Variants in AKR1A1 observed in about 807,000 individuals in gnomAD.
AKR1A1 encodes HEL-S-165mP.
AKR1A1 carries 26 observed loss-of-function variants against 39.2 expected under a neutral mutation model. The ratio of observed to expected loss-of-function variants is 0.66; its 90% CI spans 0.49 to 0.92. The LOEUF (loss-of-function observed/expected upper bound fraction) is 0.92, where lower values mean the gene tolerates loss of function less well. Ranked by LOEUF, AKR1A1 falls within the 40% of genes least tolerant of loss-of-function variation. The pLI, the probability that AKR1A1 is intolerant of heterozygous loss-of-function variation, is 0.00. For synonymous variants in AKR1A1, 141 were observed against 155.5 expected, an observed-to-expected ratio of 0.91 and a Z score of 0.69; for missense variants, 378 against 406.5, an observed-to-expected ratio of 0.93 and a Z score of 0.60.
intron 1 of AKR1A1, among the ~76,000 whole-genome samples, chr1:45,561,454 A>T (rs1009952002): frequency 2.0e-5 from 3 of 152,078 alleles, no homozygotes; most frequent in Non-Finnish European, 4.4e-5. Context: ...CCCAGGCTGG[A>T]GTGCAGTGGC....
chr1:45,560,080 C>T (rs1162321609), intron 1 of AKR1A1, among the ~76,000 whole-genome samples: 1 of 152,000 alleles, frequency 6.6e-6, no homozygotes, highest in East Asian at 1.9e-4. Context: ...CTCCGCCTCC[C>T]GGGTTCAAAC....
intron 4 of AKR1A1, 108 bp from the exon 5 acceptor site, chr1:45,567,874 C>A: frequency 9.1e-7 from 1 of 1,104,246 alleles, no homozygotes; most frequent in Non-Finnish European, 1.3e-6. Context: ...ATTCTTGGCC[C>A]TTTGTCCTCT....
chr1:45,565,471 AT>A (rs1019047883), intron 2 of AKR1A1, among the ~76,000 whole-genome samples: 18 of 146,022 alleles, frequency 1.2e-4, no homozygotes, highest in Admixed American at 3.5e-4. Flanking sequence ...TTTTGTTGTT[AT>A]TTTTTTTGTG....
chr1:45,554,830 A>G (rs535205943), intron 1 of AKR1A1, among the ~76,000 whole-genome samples: 87 of 152,228 alleles, frequency 5.7e-4, no homozygotes, highest in Middle Eastern at 6.8e-3. Flanking sequence ...AGCTAGGACC[A>G]TAGAGACACA....
At position 45,563,216 on chromosome 1, in the gene AKR1A1, G is replaced by A. The variant is rs909449911; in HGVS notation, c.84+1338G>A. 1.7e-4 allele frequency among the ~76,000 whole-genome samples: 25 copies of A among 151,140 alleles called. No individual in the cohort carries two copies. In the East Asian group the frequency reaches 3.0e-3, roughly 18 times the overall value. Reference sequence around the variant, plus strand: ...GGAGTTCGAGACCAGCTTGGCCAACGTGGTGAAACCCCGTCTCTACTAAAA... The same window carrying A: ...GGAGTTCGAGACCAGCTTGGCCAACATGGTGAAACCCCGTCTCTACTAAAA... On this transcript the variant is annotated intron_variant, in intron 2 of 8. Coordinates refer to ENST00000351829, the MANE Select transcript of AKR1A1 (RefSeq NM_153326.3).
chr1:45,568,992 A>G lies in AKR1A1; in HGVS notation c.818A>G (p.Asn273Ser). 6.2e-7 allele frequency: 1 copy of G among 1,614,014 alleles called. No individual in the cohort carries two copies. The highest frequency in any genetic ancestry group is 2.2e-5 in the East Asian group (1 of 44,904). The stretch of plus-strand genomic sequence containing the variant: ...ATCACTCCTTCTCGAATCCTTCAGA[A>G]CATCAAGGTACTTGGTAATGGGTTC... ...KSITPSRILQ[N>S]IKVFDFTFSP... The change falls in exon 7 of 9, where the codon AAC (asparagine) becomes AGC (serine). Residue 273 changes from asparagine to serine, a missense_variant. By Grantham distance (46) the Asn-to-Ser change is conservative (BLOSUM62 1). Coordinates refer to ENST00000351829, the MANE Select transcript of AKR1A1 (RefSeq NM_153326.3).
At position 45,568,691 on chromosome 1, in the gene AKR1A1, G is replaced by A. The variant is rs748951473; in HGVS notation, c.752+7G>A. On this transcript the variant is annotated splice_region_variant and intron_variant, in intron 6 of 8. Coordinates refer to ENST00000351829, the MANE Select transcript of AKR1A1 (RefSeq NM_153326.3). ...CAGCTCAGATCTTGCTCAGGTATGGGGCAGTCTTAGGGAGAGGGCCCTGGG... is the reference window on the plus strand; with the variant it reads ...CAGCTCAGATCTTGCTCAGGTATGGAGCAGTCTTAGGGAGAGGGCCCTGGG... 13 of 1,613,114 alleles carry A rather than the reference G, an allele frequency of 8.1e-6. No homozygotes were observed. The highest frequency in any genetic ancestry group is 1.1e-5 in the Non-Finnish European group (13 of 1,179,850).
intron 8 of AKR1A1, among the ~76,000 whole-genome samples, chr1:45,569,574 G>A (rs148155670): frequency 5.9e-5 from 9 of 152,292 alleles, no homozygotes; most frequent in South Asian, 2.1e-4. Flanking sequence ...CCCAGAAGGC[G>A]TTGTTGACCT....
chr1:45,559,154 T>TA (rs1402032691), intron 1 of AKR1A1, among the ~76,000 whole-genome samples: 1 of 152,228 alleles, frequency 6.6e-6, no homozygotes, highest in Non-Finnish European at 1.5e-5. Context: ...TCAAAGCTCT[T>TA]ATCACAGTGT....
chr1:45,553,429 A>G (rs1355510917), intron 1 of AKR1A1, among the ~76,000 whole-genome samples: 3 of 151,734 alleles, frequency 2.0e-5, no homozygotes, highest in Non-Finnish European at 2.9e-5. Flanking sequence ...TCAAAAAAAA[A>G]AGAGTGGTGG....
At chr1:45,558,433 C>G (rs1644236356) in intron 1 of AKR1A1, among the ~76,000 whole-genome samples, 1 of 135,152 alleles carries the variant, frequency 7.4e-6, no homozygotes, top group African/African-American at 2.8e-5. Flanking sequence ...GAGTCTTGCT[C>G]TGTCACCCAA....
intron 1 of AKR1A1, among the ~76,000 whole-genome samples, chr1:45,559,702 G>A (rs1228801335): frequency 1.6e-5 from 2 of 122,752 alleles, no homozygotes; most frequent in African/African-American, 6.5e-5. Flanking sequence ...GGAGTGCAGT[G>A]GCATGATCTC....
At chr1:45,559,862 T>C (rs1173055669) in intron 1 of AKR1A1, among the ~76,000 whole-genome samples, 1 of 152,012 alleles carries the variant, frequency 6.6e-6, no homozygotes, top group African/African-American at 2.4e-5. Flanking sequence ...TGACCAGGGC[T>C]GGTCTCGATC....
chr1:45,568,834 G>C lies in AKR1A1; in HGVS notation c.753-93G>C, dbSNP rs1028018271. 1.6e-5 allele frequency: 25 copies of C among 1,532,806 alleles called. No homozygotes were observed. In the Middle Eastern group the frequency reaches 6.2e-4, roughly 38 times the overall value. The allele number at this position is 1,532,806 out of a possible 1,614,324, so 95.0% of individuals were successfully genotyped here. On this transcript the variant is annotated intron_variant, in intron 6 of 8. Transcript: ENST00000351829. ...TATTTCCCATTTCAGCAGGGCTCAG[G>C]TGCTCCAGGAGCTTAGGGAAGCTGC...
At chr1:45,559,634 CTTTTTTTTTTT>C (rs71056306) in intron 1 of AKR1A1, among the ~76,000 whole-genome samples, 33 of 73,152 alleles carry the variant, frequency 4.5e-4, no homozygotes, top group East Asian at 1.6e-3. Context: ...CTTTTCTTTT[CTTTTTTTTTTT>C]TTTTTTTTTT....
chr1:45,560,832 A>T (rs1393948958), intron 1 of AKR1A1, among the ~76,000 whole-genome samples: 1 of 148,150 alleles, frequency 6.7e-6, no homozygotes, highest in East Asian at 2.0e-4. Context: ...GGTTCAAGTG[A>T]TTCTCCTGCC....
At chr1:45,564,001 C>T (rs75775994) in intron 2 of AKR1A1, among the ~76,000 whole-genome samples, 3 of 152,166 alleles carry the variant, frequency 2.0e-5, no homozygotes, top group Non-Finnish European at 4.4e-5. Flanking sequence ...AGGGCTTCTT[C>T]CTTCTTCCTT....
chr1:45,562,203 C>T (rs562069880), intron 2 of AKR1A1, among the ~76,000 whole-genome samples: 1 of 152,272 alleles, frequency 6.6e-6, no homozygotes, highest in Non-Finnish European at 1.5e-5. Flanking sequence ...TGTCTCCTCT[C>T]CCACACTGGG....
At chr1:45,560,388 G>A (rs953904052) in intron 1 of AKR1A1, among the ~76,000 whole-genome samples, 4 of 152,172 alleles carry the variant, frequency 2.6e-5, no homozygotes, top group Non-Finnish European at 5.9e-5. Flanking sequence ...TGAAGTGGCT[G>A]GATAGCTTGA....
Sources: allele counts gnomAD v4.1 joint callset (sites outside exome capture counted in the v4.1 genomes callset), GRCh38; gene constraint gnomAD v4.1.1; transcripts MANE v1.5; gene names NCBI Gene and HGNC (gene_info 2026-07-23, HGNC 2026-07-21).